HELLS: variants seen among roughly 807,000 people sequenced by gnomAD.
HELLS encodes lymphoid-specific helicase.
Under a neutral mutation model 120.0 loss-of-function variants are expected in HELLS, and 32 were observed. That is an observed-to-expected ratio of 0.27 (90% CI 0.20 to 0.36). The LOEUF (loss-of-function observed/expected upper bound fraction) is 0.36. Ranked by LOEUF, HELLS falls within the 10% of genes least tolerant of loss-of-function variation. HELLS has a pLI of 1.00. For missense variants in HELLS, 650 were observed against 993.4 expected, an observed-to-expected ratio of 0.65 and a Z score of 4.65; for synonymous variants, 341 against 323.4, an observed-to-expected ratio of 1.05 and a Z score of -0.58.
intron 7 of HELLS, among the ~76,000 whole-genome samples, chr10:94,572,899 T>G (rs937908575): frequency 8.5e-5 from 13 of 152,224 alleles, no homozygotes; most frequent in Admixed American, 6.5e-5. Context: ...TTAACTTGCA[T>G]TTTCCTAATT....
chr10:94,581,019 A>G (rs527888993), intron 10 of HELLS, among the ~76,000 whole-genome samples: 136 of 152,348 alleles, frequency 8.9e-4, no homozygotes, highest in African/African-American at 2.6e-3. Context: ...TTGGGAAAAT[A>G]TTAGAAAAGA....
downstream of HELLS, among the ~76,000 whole-genome samples, chr10:94,603,659 C>T (rs1001959362): frequency 6.6e-6 from 1 of 152,254 alleles, no homozygotes; most frequent in African/African-American, 2.4e-5. Context: ...CTGTACTTTT[C>T]ATCTTGTTTA....
At chr10:94,581,646 T>C (rs1162203447) in intron 11 of HELLS, 124 bp downstream of exon 11, 13 of 613,814 alleles carry the variant, frequency 2.1e-5, no homozygotes, top group Non-Finnish European at 3.6e-5. Context: ...GTGTATATTG[T>C]ATGTTCTACT....
chr10:94,580,773 A>G (rs1170798467), intron 10 of HELLS, among the ~76,000 whole-genome samples: 4 of 152,270 alleles, frequency 2.6e-5, no homozygotes, highest in African/African-American at 9.6e-5. Context: ...GTATGTTAAT[A>G]TAAATTAGAT....
intron 13 of HELLS, among the ~76,000 whole-genome samples, chr10:94,588,615 A>G (rs1252466177): frequency 6.6e-6 from 1 of 152,060 alleles, no homozygotes; most frequent in African/African-American, 2.4e-5. Flanking sequence ...TCCTGGGCTT[A>G]AGCAGTCCAC....
At chr10:94,613,616 T>G (rs1846215678) in exon 10 of HELLS, 1 of 152,212 alleles carries the variant, frequency 6.6e-6, no homozygotes, top group Non-Finnish European at 1.5e-5. Flanking sequence ...GTTTTTTAAC[T>G]TCTTTCATGA....
intron 2 of HELLS, among the ~76,000 whole-genome samples, chr10:94,549,824 A>G (rs1177639908): frequency 6.6e-6 from 1 of 152,228 alleles, no homozygotes; most frequent in Non-Finnish European, 1.5e-5. Context: ...ACAGAAGACC[A>G]GGTTTAAGGA....
rs1343165686 is a variant in HELLS at position 94,578,682 on chromosome 10, CTG to C, written c.1032+1881_1032+1882del. 2.6e-5 allele frequency among the ~76,000 whole-genome samples: 4 copies of C among 152,180 alleles called. No homozygotes were observed. The East Asian group carries it at 5.8e-4, about 22-fold the overall frequency. ...TGGTTGGCTGGGCAACCAAGTGAGA[CTG>C]TGTCTCAAAATAATAATAATTTTAC... is the stretch of plus-strand genomic sequence containing the variant. On this transcript the variant is annotated intron_variant, in intron 10 of 21. Transcript: ENST00000348459.
intron 4 of HELLS, among the ~76,000 whole-genome samples, chr10:94,561,141 A>C (rs1309604410): frequency 6.6e-6 from 1 of 151,256 alleles, no homozygotes; most frequent in African/African-American, 2.4e-5. Context: ...GGCTTTTCAG[A>C]TTTTTATTTT....
chr10:94,575,476 T>C (rs1439436438), intron 9 of HELLS, among the ~76,000 whole-genome samples: 1 of 150,924 alleles, frequency 6.6e-6, no homozygotes, highest in Non-Finnish European at 1.5e-5. Flanking sequence ...TGTCTCATTT[T>C]ATATATTTAT....
At chr10:94,559,094 G>A (rs1210238942) in intron 4 of HELLS, among the ~76,000 whole-genome samples, 1 of 152,130 alleles carries the variant, frequency 6.6e-6, no homozygotes, top group Non-Finnish European at 1.5e-5. Context: ...GTCATTTTTG[G>A]ATATGCTTAT....
chr10:94,562,967 A>G (rs1275599090), intron 6 of HELLS, 91 bp downstream of exon 6: 3 of 740,608 alleles, frequency 4.1e-6, no homozygotes, highest in Non-Finnish European at 6.8e-6. Context: ...TTGAATATTC[A>G]ATATCACATG....
chr10:94,551,253 T>C (rs1842969275), intron 2 of HELLS, among the ~76,000 whole-genome samples: 1 of 152,192 alleles, frequency 6.6e-6, no homozygotes, highest in African/African-American at 2.4e-5. Flanking sequence ...AGAATCTTAC[T>C]GTAGTCACTG....
At position 94,546,415 on chromosome 10, in the gene HELLS, G is replaced by C. The variant is rs537870367; in HGVS notation, c.70G>C (p.Ala24Pro). ...AGCAATGGTTGAACAACTGGACACTGCTGTGATTACCCCGGCCATGCTAGA... is the reference window on the plus strand; with the variant it reads ...AGCAATGGTTGAACAACTGGACACTCCTGTGATTACCCCGGCCATGCTAGA... ...APAMVEQLDTAVITPAMLEEE... is the reference protein window; with the variant it reads ...APAMVEQLDTPVITPAMLEEE... Residue 24 changes from alanine (A) to proline (P), a missense_variant, in exon 2 of 22, where the codon GCT becomes CCT. By Grantham distance (27) the Ala-to-Pro change is conservative. Coordinates refer to ENST00000348459, the MANE Select transcript of HELLS (RefSeq NM_018063.5). 2.5e-6 allele frequency: 4 copies of C among 1,614,164 alleles called. No homozygotes were observed. In the African/African-American group the frequency reaches 4.0e-5, roughly 16 times the overall value.
At chr10:94,559,731 A>G (rs1250667193) in intron 4 of HELLS, among the ~76,000 whole-genome samples, 1 of 151,998 alleles carries the variant, frequency 6.6e-6, no homozygotes. Flanking sequence ...GGCGAGAGCC[A>G]CTGCACCCAG....
At chr10:94,589,680 CTTTTTTT>C (rs67491329) in intron 13 of HELLS, among the ~76,000 whole-genome samples, 3 of 91,968 alleles carry the variant, frequency 3.3e-5, no homozygotes, top group Non-Finnish European at 6.1e-5. Flanking sequence ...CTCCCCCCGA[CTTTTTTT>C]TTTTTTTTTT....
rs1842809080 is a variant in HELLS, at chr10:94,547,841, AT to A, written c.153+1344del. 2.0e-5 allele frequency among the ~76,000 whole-genome samples: 3 copies of A among 152,190 alleles called. No individual in the cohort carries two copies. In the South Asian group the frequency reaches 6.2e-4, roughly 32 times the overall value. On this transcript the variant is annotated intron_variant, in intron 2 of 21. Coordinates refer to ENST00000348459, the MANE Select transcript of HELLS (RefSeq NM_018063.5). ...CTAGAATGCACATTTTTTAACTACC[AT>A]GCTATAGTTCCACTCCAGTAATACT...
chr10:94,574,755 T>C lies in HELLS; in HGVS notation c.888+19T>C, dbSNP rs1844347833. 1 of 1,578,122 alleles carries C rather than the reference T, an allele frequency of 6.3e-7. No individual in the cohort carries two copies. Among genetic ancestry groups the C allele is most frequent in the South Asian group, 1.1e-5 (1 of 87,036 alleles). The stretch of plus-strand genomic sequence containing the variant: ...ACCAGATGTAAGACATGCTTCCTTA[T>C]GTTAAAATTATAATTTTACATGTTT... On this transcript the variant is annotated intron_variant, in intron 9 of 21. Coordinates refer to ENST00000348459, the MANE Select transcript of HELLS (RefSeq NM_018063.5).
At chr10:94,598,858 G>A (rs1845878980) in intron 21 of HELLS, among the ~76,000 whole-genome samples, 1 of 151,836 alleles carries the variant, frequency 6.6e-6, no homozygotes, top group African/African-American at 2.4e-5. Context: ...TTAGATCTAT[G>A]ATCTATTTTC....
Sources: allele counts gnomAD v4.1 joint callset (sites outside exome capture counted in the v4.1 genomes callset), GRCh38; gene constraint gnomAD v4.1.1; transcripts MANE v1.5; gene names NCBI Gene and HGNC (gene_info 2026-07-23, HGNC 2026-07-21).